ASCC3: variants seen among roughly 807,000 people sequenced by gnomAD.
The protein encoded by ASCC3 is ASC-1 complex subunit P200.
A neutral mutation model predicts 256.3 loss-of-function variants in ASCC3; 158 were observed. The observed-to-expected ratio is 0.62, with a 90% confidence interval of 0.54 to 0.70. The LOEUF (loss-of-function observed/expected upper bound fraction) is 0.70. ASCC3 is among the 30% of genes least tolerant of loss of function. The pLI, the probability that ASCC3 is intolerant of heterozygous loss-of-function variation, is 0.00. For synonymous variants in ASCC3, 948 were observed against 883.4 expected (o/e 1.07, Z -1.30); for missense variants, 2,259 against 2,626.0 (o/e 0.86, Z 3.05).
intron 10 of ASCC3, among the ~76,000 whole-genome samples, chr6:100,756,450 T>C (rs986805256): frequency 2.6e-4 from 40 of 152,246 alleles, no homozygotes; most frequent in South Asian, 1.4e-3. Flanking sequence ...GACATACGTC[T>C]TAATCACTAT....
intron 4 of ASCC3, among the ~76,000 whole-genome samples, chr6:100,815,328 T>G (rs908714711): frequency 3.9e-5 from 6 of 152,064 alleles, no homozygotes; most frequent in Non-Finnish European, 7.4e-5. Flanking sequence ...ATCGTTAAAA[T>G]GGCCATACTG....
intron 25 of ASCC3, among the ~76,000 whole-genome samples, chr6:100,637,996 G>C (rs1221395146): frequency 6.6e-6 from 1 of 152,212 alleles, no homozygotes; most frequent in African/African-American, 2.4e-5. Context: ...CAGGGTTTGA[G>C]AGGGTTGACT....
At chr6:100,827,494 T>A (rs917159255) in intron 4 of ASCC3, among the ~76,000 whole-genome samples, 3 of 152,210 alleles carry the variant, frequency 2.0e-5, no homozygotes, top group Non-Finnish European at 4.4e-5. Context: ...TCTTGTAATT[T>A]TTTGTGGCTT....
intron 25 of ASCC3, 135 bp from the exon 26 acceptor site, chr6:100,631,348 A>T: frequency 1.5e-6 from 1 of 664,546 alleles, no homozygotes; most frequent in East Asian, 2.8e-5. Flanking sequence ...TGAATACTCA[A>T]ATTTTTAAAT....
At chr6:100,871,514 A>G (rs1449900094) in intron 1 of ASCC3, among the ~76,000 whole-genome samples, 1 of 152,008 alleles carries the variant, frequency 6.6e-6, no homozygotes, top group Non-Finnish European at 1.5e-5. Context: ...CACACCTGTA[A>G]TCCCAGCACT....
intron 5 of ASCC3, 105 bp from the exon 6 acceptor site, chr6:100,800,609 C>A: frequency 1.2e-6 from 1 of 828,826 alleles, no homozygotes; most frequent in Non-Finnish European, 1.9e-6. Flanking sequence ...AATGCTCTTA[C>A]AATTCATTTT....
chr6:100,518,374 T>G (rs1395367122), intron 37 of ASCC3, among the ~76,000 whole-genome samples: 19 of 152,138 alleles, frequency 1.2e-4, no homozygotes, highest in Admixed American at 1.2e-3. Flanking sequence ...TAATCAGTTT[T>G]GTTAGGGCAG....
chr6:100,639,946 C>G (rs980828369), intron 24 of ASCC3, among the ~76,000 whole-genome samples: 2 of 152,070 alleles, frequency 1.3e-5, no homozygotes, highest in Non-Finnish European at 2.9e-5. Flanking sequence ...AAAACCCCAT[C>G]TCTACTAAAA....
At chr6:100,576,503 G>C (rs912146195) in intron 36 of ASCC3, among the ~76,000 whole-genome samples, 1 of 151,728 alleles carries the variant, frequency 6.6e-6, no homozygotes, top group South Asian at 2.1e-4. Context: ...AAAGGAAATA[G>C]GGTATAAAAA....
intron 10 of ASCC3, among the ~76,000 whole-genome samples, chr6:100,751,303 T>G (rs986165702): frequency 2.6e-5 from 4 of 152,056 alleles, no homozygotes; most frequent in Non-Finnish European, 5.9e-5. Context: ...TATCATAAAT[T>G]TATTTCAAGT....
chr6:100,710,611 T>A (rs1368873853), intron 13 of ASCC3, among the ~76,000 whole-genome samples: 2 of 152,166 alleles, frequency 1.3e-5, no homozygotes, highest in East Asian at 3.9e-4. Context: ...AGTTTTATAA[T>A]TAATGATTCC....
chr6:100,546,644 T>C (rs538674230), intron 36 of ASCC3, among the ~76,000 whole-genome samples: 2 of 152,094 alleles, frequency 1.3e-5, no homozygotes, highest in Non-Finnish European at 2.9e-5. Flanking sequence ...GAAATTTACT[T>C]GTTTAAAAAA....
chr6:100,590,173 C>A, intron 34 of ASCC3, 114 bp from the exon 35 acceptor site: 2 of 762,076 alleles, frequency 2.6e-6, no homozygotes, highest in Non-Finnish European at 2.2e-6. Flanking sequence ...TAAAACCTAT[C>A]CTCAGTAACA....
intron 1 of ASCC3, among the ~76,000 whole-genome samples, chr6:100,869,834 G>A (rs1443897125): frequency 6.6e-6 from 1 of 152,078 alleles, no homozygotes; most frequent in Non-Finnish European, 1.5e-5. Context: ...ACAACCAAAC[G>A]TAGCTGGTGG....
chr6:100,653,582 G>A (rs1775775062), intron 17 of ASCC3, among the ~76,000 whole-genome samples: 1 of 151,374 alleles, frequency 6.6e-6, no homozygotes, highest in African/African-American at 2.4e-5. Context: ...AGGTTGCAGT[G>A]AGCCAAGATC....
At chr6:100,541,171 G>A (rs1452418510) in intron 36 of ASCC3, among the ~76,000 whole-genome samples, 1 of 151,946 alleles carries the variant, frequency 6.6e-6, no homozygotes, top group Non-Finnish European at 1.5e-5. Flanking sequence ...GTAGTTATTT[G>A]AGATTGTCCA....
rs1470470966 is a variant in ASCC3 at position 100,608,119 on chromosome 6, T to G, written c.4786-1031A>C. 2.5e-4 allele frequency among the ~76,000 whole-genome samples: 26 copies of G among 105,828 alleles called. 2 individuals are homozygous for G. Among genetic ancestry groups the G allele is most frequent in the African/African-American group, 1.1e-3 (24 of 22,468 alleles). The allele number at this position is 105,828 out of a possible 152,430, so 69.4% of individuals were successfully genotyped here. On this transcript the variant is annotated intron_variant, in intron 30 of 41. Coordinates refer to ENST00000369162, the MANE Select transcript of ASCC3 (RefSeq NM_006828.4). ...ATACACATATATATGTATATATATC[T>G]ATATATACATATATATGTATATATA...
chr6:100,818,064 T>C (rs1770839478), intron 4 of ASCC3, among the ~76,000 whole-genome samples: 1 of 152,096 alleles, frequency 6.6e-6, no homozygotes, highest in African/African-American at 2.4e-5. Context: ...GATAGTGAGA[T>C]TAATGTCAGG....
intron 34 of ASCC3, among the ~76,000 whole-genome samples, chr6:100,592,765 T>C (rs937683614): frequency 2.0e-5 from 3 of 152,090 alleles, no homozygotes; most frequent in Non-Finnish European, 2.9e-5. Context: ...CTTTACTAAC[T>C]TGAAAAAGCA....
Sources: allele counts gnomAD v4.1 joint callset (sites outside exome capture counted in the v4.1 genomes callset), GRCh38; gene constraint gnomAD v4.1.1; transcripts MANE v1.5; gene names NCBI Gene and HGNC (gene_info 2026-07-23, HGNC 2026-07-21).